Variants in TIMM23 observed in about 807,000 individuals in gnomAD.
TIMM23 encodes translocase of inner mitochondrial membrane 23.
In TIMM23, 19 loss-of-function variants were observed where a neutral mutation model predicts 30.7. That is an observed-to-expected ratio of 0.62 (90% confidence interval 0.43 to 0.91). The LOEUF is 0.91. Ranked by LOEUF, TIMM23 falls within the 40% of genes least tolerant of loss-of-function variation. The probability of loss-of-function intolerance (pLI) is 0.00; values close to 1 mark genes in which losing one functional copy is unlikely to be tolerated. For synonymous variants in TIMM23, 78 were observed against 98.5 expected (o/e 0.79, Z 1.23); for missense variants, 202 against 269.2 (o/e 0.75, Z 1.75).
chr10:45,992,482 T>C (rs1438592281), intron 6 of TIMM23: 11 of 455,770 alleles, frequency 2.4e-5, no homozygotes, highest in South Asian at 1.1e-4. Flanking sequence ...CTTAACTCTT[T>C]AGAAGTTTTA....
chr10:45,987,144 T>C, intron 5 of TIMM23, among the ~76,000 whole-genome samples: 1 of 152,250 alleles, frequency 6.6e-6, no homozygotes, highest in East Asian at 1.9e-4. Flanking sequence ...TTGCCAGGTG[T>C]TTGCTATTAG....
chr10:45,983,396 T>C (rs1181803729), intron 4 of TIMM23, among the ~76,000 whole-genome samples: 64 of 152,332 alleles, frequency 4.2e-4, no homozygotes, highest in African/African-American at 1.4e-3. Flanking sequence ...CAGATACATT[T>C]TAAATAAAAT....
intron 2 of TIMM23, among the ~76,000 whole-genome samples, chr10:45,977,455 G>A (rs1295565901): frequency 3.3e-5 from 5 of 152,308 alleles, no homozygotes; most frequent in Admixed American, 3.3e-4. Flanking sequence ...TGCCAAGATA[G>A]TTAAGTCAGG....
intron 2 of TIMM23, among the ~76,000 whole-genome samples, chr10:45,976,445 T>C (rs1258231954): frequency 2.8e-5 from 4 of 142,314 alleles, no homozygotes; most frequent in Non-Finnish European, 4.5e-5. Context: ...ACGCTGTTTC[T>C]ACTAAAAATA....
chr10:46,002,810 A>AT (rs386371331), intron 6 of TIMM23, among the ~76,000 whole-genome samples: 5,132 of 94,866 alleles, frequency 0.054, 667 homozygotes, highest in African/African-American at 0.16. Flanking sequence ...ATTTCATAGT[A>AT]TTTTTTTTTT....
chr10:45,981,096 G>A (rs1293254952), intron 2 of TIMM23, among the ~76,000 whole-genome samples: 3 of 148,202 alleles, frequency 2.0e-5, no homozygotes, highest in African/African-American at 5.0e-5. Context: ...ACACTGCCAC[G>A]CCCAGCTAAT....
At chr10:45,974,563 G>C (rs1395561083) in intron 1 of TIMM23, among the ~76,000 whole-genome samples, 3 of 152,162 alleles carry the variant, frequency 2.0e-5, no homozygotes, top group Non-Finnish European at 4.4e-5. Flanking sequence ...AGCTAATGTA[G>C]GATTTTGTAA....
chr10:45,996,223 A>T (rs1391749845), intron 6 of TIMM23, among the ~76,000 whole-genome samples: 5 of 143,528 alleles, frequency 3.5e-5, no homozygotes, highest in African/African-American at 5.6e-5. Flanking sequence ...TTATCCGGGC[A>T]TGGTGGTGGG....
Position 46,003,445 on chromosome 10 carries a change from G to T in TIMM23, c.*127G>T. On this transcript the variant is annotated 3_prime_UTR_variant, in exon 7 of 7. Transcript: ENST00000580018. ...GAAAAATTGGAGATTTTGATTTGCTGTGATGAAAATCCTGGATGGCTGACC... is the reference window on the plus strand; with the variant it reads ...GAAAAATTGGAGATTTTGATTTGCTTTGATGAAAATCCTGGATGGCTGACC... 1.4e-6 allele frequency: 1 copy of T among 709,050 alleles called. No individual in the cohort carries two copies. The highest frequency in any genetic ancestry group is 2.3e-6 in the Non-Finnish European group (1 of 432,574). 43.9% of individuals were successfully genotyped at this position (709,050 alleles called of 1,614,324 possible). A position where few individuals can be genotyped will look rare whatever the true frequency, so the allele number is the denominator to read the frequency against.
chr10:45,983,151 A>G (rs1191335578), intron 4 of TIMM23, among the ~76,000 whole-genome samples: 2 of 152,288 alleles, frequency 1.3e-5, no homozygotes, highest in Non-Finnish European at 2.9e-5. Context: ...TCCCTCAGTC[A>G]GCTAGTGCTA....
intron 2 of TIMM23, among the ~76,000 whole-genome samples, chr10:45,979,601 C>G (rs1837783186): frequency 7.7e-6 from 1 of 130,500 alleles, no homozygotes; most frequent in East Asian, 2.4e-4. Flanking sequence ...GCCACCATGC[C>G]TGGCCTTTTT....
chr10:45,982,467 T>C, intron 2 of TIMM23, 56 bp from the exon 3 acceptor site: 5 of 1,578,192 alleles, frequency 3.2e-6, no homozygotes, highest in South Asian at 2.2e-5. Flanking sequence ...AAGGCAACTT[T>C]ACAAGATTTG....
rs1838072832 is a variant in TIMM23 at position 45,988,789 on chromosome 10, A to T, written c.456A>T (p.Glu152Asp). 1 of 1,613,816 alleles carries T rather than the reference A, an allele frequency of 6.2e-7. No individual in the cohort carries two copies. The highest frequency in any genetic ancestry group is 8.5e-7 in the Non-Finnish European group (1 of 1,179,834). Residue 152 changes from glutamate to aspartate, a missense_variant, in exon 6 of 7, where the codon GAA becomes GAT. Physicochemically the swap from Glu to Asp is conservative, Grantham distance 45. Coordinates refer to ENST00000580018, the MANE Select transcript of TIMM23 (RefSeq NM_006327.4). The stretch of plus-strand genomic sequence containing the variant: ...TCATTGAGAAAACACGAGGTGCAGA[A>T]GATGACCTTAACACAGTAGCAGCTG... ...GVIIEKTRGA[E>D]DDLNTVAAGT...
intron 6 of TIMM23, among the ~76,000 whole-genome samples, chr10:45,989,253 T>C (rs1838085971): frequency 1.3e-5 from 2 of 152,348 alleles, no homozygotes; most frequent in South Asian, 2.1e-4. Flanking sequence ...GATTGGCTTA[T>C]TTTACGTAGC....
chr10:45,982,835 T>C lies in TIMM23; in HGVS notation c.260-11T>C. 7 of 1,613,990 alleles carry C rather than the reference T, an allele frequency of 4.3e-6. No homozygotes were observed. Among genetic ancestry groups the C allele is most frequent in the African/African-American group, 1.3e-5 (1 of 75,052 alleles). On this transcript the variant is annotated splice_polypyrimidine_tract_variant and intron_variant, in intron 3 of 6. Transcript: ENST00000580018. ...CTGTCTTTATCTGGGTGAATTGTTA[T>C]GATTTACCAGGGGCTGCGTTTGGTG...
intron 5 of TIMM23, among the ~76,000 whole-genome samples, chr10:45,987,323 A>C (rs1342633883): frequency 6.6e-6 from 1 of 151,862 alleles, no homozygotes; most frequent in African/African-American, 2.4e-5. Flanking sequence ...ATATTTCCCC[A>C]CATACCAAGT....
intron 5 of TIMM23, among the ~76,000 whole-genome samples, chr10:45,988,304 G>A (rs1329118978): frequency 1.3e-5 from 2 of 152,162 alleles, no homozygotes; most frequent in Non-Finnish European, 2.9e-5. Flanking sequence ...TCCTGGGTAT[G>A]GGGTACGATC....
chr10:45,999,820 A>G (rs1368377438), intron 6 of TIMM23, among the ~76,000 whole-genome samples: 2 of 152,158 alleles, frequency 1.3e-5, no homozygotes, highest in African/African-American at 4.8e-5. Context: ...TCACCCCTAC[A>G]GTCTACAGAC....
intron 1 of TIMM23, among the ~76,000 whole-genome samples, chr10:45,975,098 T>C (rs1274254867): frequency 1.3e-5 from 2 of 152,260 alleles, no homozygotes; most frequent in Admixed American, 1.3e-4. Context: ...TTTTTCAGTC[T>C]TATTTTGTAA....
Sources: gnomAD v4.1 joint callset for allele counts (sites outside exome capture counted in the v4.1 genomes callset) on GRCh38, gnomAD v4.1.1 for gene constraint, MANE v1.5 for transcripts, NCBI Gene and HGNC (gene_info 2026-07-23, HGNC 2026-07-21) for gene names.